Variants in SV2C observed in about 807,000 individuals in gnomAD.
The protein encoded by SV2C is solute carrier family 22 member B3.
In SV2C, 49 loss-of-function variants were observed where a neutral mutation model predicts 79.7. That is an observed-to-expected ratio of 0.61 (90% confidence interval 0.49 to 0.78). The LOEUF is 0.78. Among genes scored for constraint, SV2C ranks in the 30% least tolerant of loss-of-function variants. The pLI is 0.00. For synonymous variants in SV2C, 334 were observed against 333.2 expected (o/e 1.00, Z -0.03); for missense variants, 833 against 912.9 (o/e 0.91, Z 1.13).
the SV2C span, among the ~76,000 whole-genome samples, chr5:76,049,019 G>GAAAGAAAGAAAGAAAGAGA: frequency 1.1e-5 from 1 of 89,258 alleles, no homozygotes. Context: ...AAGAAAGAAA[G>GAAAGAAAGAAAGAAAGAGA]AAAGAAAAAG....
the SV2C span, among the ~76,000 whole-genome samples, chr5:75,869,252 C>A: frequency 1.3e-5 from 2 of 152,186 alleles, no homozygotes; most frequent in South Asian, 4.2e-4. Context: ...TCTGGGCCTA[C>A]CCTAGGCCAG....
chr5:76,316,457 T>C (rs1748622245), intron 12 of SV2C, among the ~76,000 whole-genome samples: 1 of 152,210 alleles, frequency 6.6e-6, no homozygotes, highest in Non-Finnish European at 1.5e-5. Flanking sequence ...CACTAAGGTT[T>C]GAAAGCTCCT....
chr5:76,194,307 T>C (rs1440991152), intron 2 of SV2C, among the ~76,000 whole-genome samples: 1 of 152,224 alleles, frequency 6.6e-6, no homozygotes, highest in East Asian at 1.9e-4. Flanking sequence ...CTTATAAAGA[T>C]GCTTAGCTAG....
downstream of SV2C, among the ~76,000 whole-genome samples, chr5:76,335,414 CTTTTTTTTT>C (rs869230352): frequency 6.1e-5 from 6 of 98,122 alleles, no homozygotes; most frequent in South Asian, 7.6e-4. Flanking sequence ...ACACATTTTC[CTTTTTTTTT>C]TTTTTTTTTT....
chr5:75,882,802 TCC>T, the SV2C span, among the ~76,000 whole-genome samples: 2 of 150,068 alleles, frequency 1.3e-5, no homozygotes, highest in African/African-American at 2.4e-5. Context: ...AAAAAAAAAC[TCC>T]AAAAGCAATG....
chr5:76,324,539 A>C (rs1361363510), intron 12 of SV2C, among the ~76,000 whole-genome samples: 1 of 151,988 alleles, frequency 6.6e-6, no homozygotes, highest in African/African-American at 2.4e-5. Flanking sequence ...GGAGGATTAA[A>C]GTTTGTTTTA....
the SV2C span, among the ~76,000 whole-genome samples, chr5:75,982,966 G>T: frequency 6.6e-6 from 1 of 152,130 alleles, no homozygotes; most frequent in African/African-American, 2.4e-5. Flanking sequence ...CCTTTTGGAG[G>T]GGGGAGGGTG....
chr5:76,183,417 G>A (rs1743815532), intron 2 of SV2C, among the ~76,000 whole-genome samples: 1 of 151,542 alleles, frequency 6.6e-6, no homozygotes, highest in East Asian at 1.9e-4. Flanking sequence ...CCAGCACTGG[G>A]GTTTGTGCTC....
In SV2C at chr5:76,326,336, C is replaced by T. The variant is rs896953570; in HGVS notation, c.*789C>T. On this transcript the variant is annotated 3_prime_UTR_variant, in exon 13 of 13. Coordinates refer to ENST00000502798, the MANE Select transcript of SV2C (RefSeq NM_014979.4). ...GAGCTTCTGCCTCCATTTACCACTC[C>T]CACTCCTTCAGCTGCCCTTGGTCTT... The T allele has an allele frequency of 6.6e-6, 1 of 152,170 alleles. No homozygotes were observed. The highest frequency in any genetic ancestry group is 2.4e-5 in the African/African-American group (1 of 41,418). 9.4% of individuals were successfully genotyped at this position (152,170 alleles called of 1,614,324 possible). A position where few individuals can be genotyped will look rare whatever the true frequency, so the allele number is the denominator to read the frequency against.
At chr5:76,050,613 A>G in the SV2C span, among the ~76,000 whole-genome samples, 2 of 152,162 alleles carry the variant, frequency 1.3e-5, no homozygotes, top group African/African-American at 2.4e-5. Context: ...TTTTTCTCCT[A>G]TAAAGGATCT....
chr5:76,007,742 G>C, the SV2C span, among the ~76,000 whole-genome samples: 1 of 152,084 alleles, frequency 6.6e-6, no homozygotes, highest in Admixed American at 6.6e-5. Context: ...TGCTCTCATC[G>C]AGCCTGTATT....
intron 4 of SV2C, among the ~76,000 whole-genome samples, chr5:76,234,069 A>G (rs1241128354): frequency 1.3e-5 from 2 of 152,158 alleles, no homozygotes; most frequent in Non-Finnish European, 2.9e-5. Flanking sequence ...TTTTAAACAA[A>G]TGTTATTTGC....
chr5:75,966,752 T>A, the SV2C span, among the ~76,000 whole-genome samples: 1 of 152,198 alleles, frequency 6.6e-6, no homozygotes, highest in Non-Finnish European at 1.5e-5. Flanking sequence ...ATAAACCTGC[T>A]TTCTCTCACC....
the SV2C span, among the ~76,000 whole-genome samples, chr5:75,986,760 G>A: frequency 2.6e-5 from 4 of 151,938 alleles, no homozygotes; most frequent in Non-Finnish European, 5.9e-5. Flanking sequence ...ATGTCTCCGT[G>A]AGTCTCTTGC....
At chr5:76,229,663 A>G (rs1745353756) in intron 4 of SV2C, among the ~76,000 whole-genome samples, 1 of 152,256 alleles carries the variant, frequency 6.6e-6, no homozygotes, top group African/African-American at 2.4e-5. Context: ...GGCACCCAGC[A>G]GAGGAGAGAG....
intron 5 of SV2C, chr5:76,285,510 C>A: frequency 1.5e-6 from 1 of 677,382 alleles, no homozygotes; most frequent in Non-Finnish European, 2.4e-6. Context: ...TCTCCTTAAA[C>A]AAATAACTTG....
intron 2 of SV2C, among the ~76,000 whole-genome samples, chr5:76,152,885 A>G (rs527923588): frequency 1.3e-5 from 2 of 152,366 alleles, no homozygotes; most frequent in African/African-American, 2.4e-5. Flanking sequence ...GGTACTGCAC[A>G]TCACATGGTG....
chr5:75,908,052 TA>T, the SV2C span, among the ~76,000 whole-genome samples: 279 of 150,738 alleles, frequency 1.9e-3, 3 homozygotes, highest in African/African-American at 6.1e-3. Context: ...GAACGTGACT[TA>T]AAAAAAAAAT....
chr5:75,971,659 C>T, the SV2C span, among the ~76,000 whole-genome samples: 1 of 152,064 alleles, frequency 6.6e-6, no homozygotes, highest in African/African-American at 2.4e-5. Context: ...CAAACCACTG[C>T]TCAAGGAAAT....
Sources: gnomAD v4.1 joint callset for allele counts (sites outside exome capture counted in the v4.1 genomes callset) on GRCh38, gnomAD v4.1.1 for gene constraint, MANE v1.5 for transcripts, NCBI Gene and HGNC (gene_info 2026-07-23, HGNC 2026-07-21) for gene names.